ANK3: variants seen among roughly 807,000 people sequenced by gnomAD.
ANK3 encodes ankyrin 3.
ANK3 carries 57 observed loss-of-function variants against 370.9 expected under a neutral mutation model. That is an observed-to-expected ratio of 0.15 (90% CI 0.12 to 0.19). The LOEUF is 0.19. Ranked by LOEUF, ANK3 falls within the 10% of genes least tolerant of loss-of-function variation. The pLI is 1.00. For synonymous variants in ANK3, 1,929 were observed against 1,946.3 expected (o/e 0.99, Z 0.23); for missense variants, 4,439 against 5,302.1 (o/e 0.84, Z 5.06).
At chr10:60,097,924 G>A (rs897858602) in intron 28 of ANK3, among the ~76,000 whole-genome samples, 1 of 152,146 alleles carries the variant, frequency 6.6e-6, no homozygotes, top group African/African-American at 2.4e-5. Context: ...TAAGAATGGG[G>A]TATTTGATAT....
At chr10:60,377,874 A>G (rs1352469489) in intron 1 of ANK3, among the ~76,000 whole-genome samples, 1 of 152,184 alleles carries the variant, frequency 6.6e-6, no homozygotes, top group African/African-American at 2.4e-5. Context: ...GGTTCATTTA[A>G]CTGTTATGTG....
intron 1 of ANK3, among the ~76,000 whole-genome samples, chr10:60,291,311 G>A (rs2041328735): frequency 6.6e-6 from 1 of 152,102 alleles, no homozygotes; most frequent in Non-Finnish European, 1.5e-5. Flanking sequence ...GAGAATTTGT[G>A]TCTTAATAAT....
intron 17 of ANK3, 38 bp downstream of exon 17, chr10:60,186,677 G>C: frequency 6.3e-7 from 1 of 1,598,386 alleles, no homozygotes; most frequent in Non-Finnish European, 8.6e-7. Context: ...GTGAGGTTTT[G>C]GTGTGCTGCA....
intron 1 of ANK3, among the ~76,000 whole-genome samples, chr10:60,383,270 C>A (rs1378153124): frequency 1.3e-5 from 2 of 152,170 alleles, no homozygotes; most frequent in Non-Finnish European, 2.9e-5. Context: ...TGAACAACAA[C>A]AACAACTGCA....
intron 9 of ANK3, among the ~76,000 whole-genome samples, chr10:60,211,851 G>C (rs1407989301): frequency 7.3e-6 from 1 of 136,246 alleles, no homozygotes; most frequent in African/African-American, 2.8e-5. Flanking sequence ...ACACAATTAG[G>C]TACAGCCATT....
intron 2 of ANK3, among the ~76,000 whole-genome samples, chr10:60,465,131 A>C (rs2064979688): frequency 6.6e-6 from 1 of 151,908 alleles, no homozygotes; most frequent in Non-Finnish European, 1.5e-5. Flanking sequence ...GTGACACATG[A>C]CTGTAGTCCC....
At position 60,073,887 on chromosome 10, in the gene ANK3, C is replaced by CTTCTATTATACGCTCCAGTTTGGG; in HGVS notation, c.6970_6993dup (p.Pro2324_Glu2331dup). 6 of 1,613,828 alleles carry CTTCTATTATACGCTCCAGTTTGGG rather than the reference C, an allele frequency of 3.7e-6. No homozygotes were observed. The highest frequency in any genetic ancestry group is 5.1e-6 in the Non-Finnish European group (6 of 1,179,998). ...GCTTGGTTACCTTTTTCGATGTGGA[C>CTTCTATTATACGCTCCAGTTTGGG]TTCTATTATACGCTCCAGTTTGGGT... On this transcript the variant is annotated inframe_insertion, in exon 37 of 44. Coordinates refer to ENST00000280772, the MANE Select transcript of ANK3 (RefSeq NM_020987.5).
chr10:60,361,949 C>CA (rs2058675878), intron 1 of ANK3, among the ~76,000 whole-genome samples: 1 of 151,754 alleles, frequency 6.6e-6, no homozygotes, highest in African/African-American at 2.4e-5. Context: ...TAAAACAATA[C>CA]AAAAAACTTT....
At chr10:60,464,173 C>T (rs1402630500) in intron 2 of ANK3, among the ~76,000 whole-genome samples, 1 of 152,074 alleles carries the variant, frequency 6.6e-6, no homozygotes, top group African/African-American at 2.4e-5. Flanking sequence ...CTGTTGTCGC[C>T]ATTCATTAGA....
At chr10:60,439,632 G>C (rs1417800802) in intron 2 of ANK3, among the ~76,000 whole-genome samples, 1 of 152,216 alleles carries the variant, frequency 6.6e-6, no homozygotes, top group Non-Finnish European at 1.5e-5. Flanking sequence ...GTGAGCCTCA[G>C]GAATGCCATC....
chr10:60,455,289 G>C (rs1270944256), intron 2 of ANK3, among the ~76,000 whole-genome samples: 1 of 151,986 alleles, frequency 6.6e-6, no homozygotes, highest in Non-Finnish European at 1.5e-5. Context: ...TTTTCTTTTT[G>C]TTTGCAGAAT....
chr10:60,444,283 C>T (rs1014070325), intron 2 of ANK3, among the ~76,000 whole-genome samples: 5 of 151,632 alleles, frequency 3.3e-5, no homozygotes, highest in South Asian at 4.2e-4. Context: ...GGTTAAAATG[C>T]TAAGTGATTC....
intron 1 of ANK3, among the ~76,000 whole-genome samples, chr10:60,293,516 C>T (rs967451219): frequency 5.3e-5 from 8 of 151,946 alleles, no homozygotes; most frequent in East Asian, 1.9e-4. Context: ...AAAACTGAAG[C>T]GAAGAGAGGT....
intron 1 of ANK3, among the ~76,000 whole-genome samples, chr10:60,386,108 TG>T (rs1317106574): frequency 6.6e-6 from 1 of 151,574 alleles, no homozygotes; most frequent in Non-Finnish European, 1.5e-5. Flanking sequence ...AGGGCCCTGC[TG>T]GGAGCAGGGG....
chr10:60,729,614 A>G (rs1476843517), intron 1 of ANK3, among the ~76,000 whole-genome samples: 2 of 152,206 alleles, frequency 1.3e-5, no homozygotes, highest in African/African-American at 2.4e-5. Flanking sequence ...CCAAAGCATC[A>G]TCTGATCAAA....
intron 23 of ANK3, among the ~76,000 whole-genome samples, chr10:60,154,113 G>A (rs1480852493): frequency 1.3e-5 from 2 of 152,186 alleles, no homozygotes; most frequent in Non-Finnish European, 2.9e-5. Flanking sequence ...AAGCAATTAT[G>A]TAACATCGAT....
chr10:60,378,175 G>A (rs1393429405), intron 1 of ANK3, among the ~76,000 whole-genome samples: 1 of 152,058 alleles, frequency 6.6e-6, no homozygotes, highest in Non-Finnish European at 1.5e-5. Context: ...TAAAGTCCAA[G>A]GTGACTCATT....
intron 1 of ANK3, among the ~76,000 whole-genome samples, chr10:60,380,761 C>T (rs1213318953): frequency 6.6e-6 from 1 of 152,102 alleles, no homozygotes; most frequent in African/African-American, 2.4e-5. Context: ...GGAAAGATGT[C>T]CAGGTTTCAG....
intron 2 of ANK3, among the ~76,000 whole-genome samples, chr10:60,609,276 G>T (rs1024999844): frequency 2.0e-5 from 3 of 152,144 alleles, no homozygotes; most frequent in Admixed American, 2.0e-4. Flanking sequence ...TAACTAGCCA[G>T]CCAGACTCCA....
Sources: allele counts gnomAD v4.1 joint callset (sites outside exome capture counted in the v4.1 genomes callset), GRCh38; gene constraint gnomAD v4.1.1; transcripts MANE v1.5; gene names NCBI Gene and HGNC (gene_info 2026-07-23, HGNC 2026-07-21).